Variants in TAF2 observed in about 807,000 individuals in gnomAD.
TAF2 encodes the protein transcription initiation factor TFIID subunit 2.
TAF2 carries 61 observed loss-of-function variants against 138.5 expected under a neutral mutation model. The observed-to-expected ratio is 0.44, with a 90% CI of 0.36 to 0.54. TAF2 has a LOEUF of 0.54. Ranked by LOEUF, TAF2 falls within the 20% of genes least tolerant of loss-of-function variation. The pLI is 0.00. For missense variants in TAF2, 1,090 were observed against 1,427.9 expected (o/e 0.76, Z 3.81); for synonymous variants, 475 against 469.9 (o/e 1.01, Z -0.14).
intron 7 of TAF2, 87 bp downstream of exon 7, chr8:119,797,575 C>T: frequency 7.2e-7 from 1 of 1,381,946 alleles, no homozygotes; most frequent in East Asian, 2.4e-5. Flanking sequence ...AAGTTCAAAG[C>T]TCGTCTTAAA....
chr8:119,740,620 G>A (rs1233958748), intron 25 of TAF2, among the ~76,000 whole-genome samples: 3 of 138,260 alleles, frequency 2.2e-5, no homozygotes, highest in Non-Finnish European at 4.6e-5. Flanking sequence ...AGCCAAGATC[G>A]CATCACTGCA....
intron 15 of TAF2, among the ~76,000 whole-genome samples, chr8:119,784,830 A>G (rs1236359046): frequency 6.6e-6 from 1 of 152,196 alleles, no homozygotes; most frequent in Non-Finnish European, 1.5e-5. Flanking sequence ...ATCAGGCCTC[A>G]CTAGTGTAGT....
rs1278318589 is a variant in TAF2 at position 119,789,578 on chromosome 8, A to G, written c.1568+14T>C. 8.7e-6 allele frequency: 14 copies of G among 1,612,684 alleles called. No homozygotes were observed. Among genetic ancestry groups the G allele is most frequent in the Non-Finnish European group, 1.2e-5 (14 of 1,179,702 alleles). On this transcript the variant is annotated intron_variant, in intron 12 of 25. Coordinates refer to ENST00000378164, the MANE Select transcript of TAF2 (RefSeq NM_003184.4). ...CCCTTCCCCACTCTGTTGAACTGCT[A>G]TTGAAAAGGATACACCCACTGCTTT...
At chr8:119,787,085 A>T (rs1381832339) in intron 14 of TAF2, among the ~76,000 whole-genome samples, 1 of 152,252 alleles carries the variant, frequency 6.6e-6, no homozygotes, top group East Asian at 1.9e-4. Flanking sequence ...GTTTCTGCAC[A>T]GTTAAAGAAG....
intron 17 of TAF2, among the ~76,000 whole-genome samples, chr8:119,778,926 C>T (rs1822451017): frequency 6.6e-6 from 1 of 152,180 alleles, no homozygotes; most frequent in Non-Finnish European, 1.5e-5. Flanking sequence ...CCTCTTCTTA[C>T]TCAAAATAAC....
chr8:119,776,645 C>T (rs946336552), intron 18 of TAF2, among the ~76,000 whole-genome samples: 13 of 151,772 alleles, frequency 8.6e-5, no homozygotes, highest in African/African-American at 2.7e-4. Flanking sequence ...GCCGAGATCG[C>T]GCCACTGCAC....
chr8:119,818,598 T>C (rs1474386823), intron 3 of TAF2, among the ~76,000 whole-genome samples: 1 of 151,888 alleles, frequency 6.6e-6, no homozygotes, highest in Non-Finnish European at 1.5e-5. Flanking sequence ...GGGAAAAAAA[T>C]TTGTATGTGA....
chr8:119,801,628 C>T (rs555754157), intron 6 of TAF2, among the ~76,000 whole-genome samples, 166 bp downstream of exon 6: 2 of 152,216 alleles, frequency 1.3e-5, no homozygotes, highest in South Asian at 4.2e-4. Flanking sequence ...CAGGGTTTTA[C>T]TGTGTTAGCC....
intron 16 of TAF2, among the ~76,000 whole-genome samples, chr8:119,781,499 G>A (rs1334076695): frequency 6.6e-6 from 1 of 152,064 alleles, no homozygotes; most frequent in Non-Finnish European, 1.5e-5. Flanking sequence ...CCAACATGGT[G>A]AAACCCCATC....
intron 5 of TAF2, among the ~76,000 whole-genome samples, chr8:119,803,067 T>C (rs1824374484): frequency 6.6e-6 from 1 of 151,782 alleles, no homozygotes. Context: ...GCCAAGATTA[T>C]GCCACTGCAC....
At chr8:119,779,329 T>C (rs984418244) in intron 17 of TAF2, among the ~76,000 whole-genome samples, 2 of 151,422 alleles carry the variant, frequency 1.3e-5, no homozygotes, top group Non-Finnish European at 2.9e-5. Flanking sequence ...AAATGCCTTA[T>C]ATTGAATACT....
chr8:119,811,065 GAAT>G (rs1263583102), intron 3 of TAF2, among the ~76,000 whole-genome samples: 4 of 152,172 alleles, frequency 2.6e-5, no homozygotes, highest in East Asian at 1.9e-4. Flanking sequence ...TCAATTTTCA[GAAT>G]AATAATGACT....
chr8:119,823,240 T>C (rs142552054), intron 2 of TAF2, among the ~76,000 whole-genome samples: 3 of 152,348 alleles, frequency 2.0e-5, no homozygotes, highest in Non-Finnish European at 4.4e-5. Context: ...ATATGTTCAC[T>C]GTTCCAACTC....
At chr8:119,807,624 TAGTTAAAAGACA>T (rs1824753831) in intron 3 of TAF2, among the ~76,000 whole-genome samples, 1 of 152,192 alleles carries the variant, frequency 6.6e-6, no homozygotes, top group Admixed American at 6.5e-5. Context: ...TTTTTTCATC[TAGTTAAAAGACA>T]AGTTTTAGCT....
chr8:119,830,386 T>C (rs189196803), intron 2 of TAF2, among the ~76,000 whole-genome samples: 2 of 152,282 alleles, frequency 1.3e-5, no homozygotes, highest in African/African-American at 4.8e-5. Context: ...TCTATTTCAA[T>C]TCCATTTTCA....
intron 3 of TAF2, among the ~76,000 whole-genome samples, chr8:119,818,879 G>A (rs181064633): frequency 3.8e-4 from 58 of 152,146 alleles, no homozygotes; most frequent in Non-Finnish European, 8.4e-4. Flanking sequence ...ATTTATCTAA[G>A]GTGAAGAAAC....
chr8:119,822,752 C>T (rs1477592844), intron 2 of TAF2, among the ~76,000 whole-genome samples: 3 of 152,162 alleles, frequency 2.0e-5, no homozygotes, highest in African/African-American at 7.2e-5. Context: ...CCTCTCCTCA[C>T]CCCTCTCATT....
Position 119,789,480 on chromosome 8 carries a change from A to C in TAF2, c.1568+112T>G. The stretch of plus-strand genomic sequence containing the variant: ...TATTTCTACCATTGTTTAGAAATAT[A>C]AACAGTTCATACTTCCTTGAGTCCC... On this transcript the variant is annotated intron_variant, in intron 12 of 25. Coordinates refer to ENST00000378164, the MANE Select transcript of TAF2 (RefSeq NM_003184.4). 4 of 1,276,892 alleles carry C rather than the reference A, an allele frequency of 3.1e-6. No homozygotes were observed. In the South Asian group the frequency reaches 4.8e-5, roughly 15 times the overall value. 79.1% of individuals were successfully genotyped at this position (1,276,892 alleles called of 1,614,324 possible).
intron 4 of TAF2, among the ~76,000 whole-genome samples, chr8:119,804,852 T>C (rs1473005523): frequency 6.6e-6 from 1 of 152,144 alleles, no homozygotes; most frequent in East Asian, 1.9e-4. Context: ...ACCGGAGAAT[T>C]TGCATTATTA....
Sources: allele counts gnomAD v4.1 joint callset (sites outside exome capture counted in the v4.1 genomes callset), GRCh38; gene constraint gnomAD v4.1.1; transcripts MANE v1.5; gene names NCBI Gene and HGNC (gene_info 2026-07-23, HGNC 2026-07-21).